The following PCDHGA1 variants were observed in gnomAD, a reference collection of about 807,000 sequenced individuals.
PCDHGA1 encodes protocadherin gamma-A1.
A neutral mutation model predicts 58.0 loss-of-function variants in PCDHGA1; 32 were observed. The ratio of observed to expected loss-of-function variants is 0.55; its 90% CI spans 0.42 to 0.74. The LOEUF (loss-of-function observed/expected upper bound fraction) is 0.74, where lower values mean the gene tolerates loss of function less well. PCDHGA1 is among the 30% of genes least tolerant of loss of function. The probability of loss-of-function intolerance (pLI) is 0.00; values close to 1 mark genes in which losing one functional copy is unlikely to be tolerated. For missense variants in PCDHGA1, 1,205 were observed against 1,182.3 expected (o/e 1.02, Z -0.28); for synonymous variants, 498 against 501.1 (o/e 0.99, Z 0.08).
intron 1 of PCDHGA1, chr5:141,418,830 G>A (rs371820904): frequency 1.2e-6 from 2 of 1,613,976 alleles, no homozygotes; most frequent in Non-Finnish European, 1.7e-6. Flanking sequence ...GCAAAAGACC[G>A]AGGATCTCTC....
chr5:141,381,826 C>CTTCTTTTTTTTTTTTT (rs1777532522), intron 1 of PCDHGA1, among the ~76,000 whole-genome samples: 2 of 74,284 alleles, frequency 2.7e-5, no homozygotes, highest in African/African-American at 6.2e-5. Context: ...CTTTCTTCTT[C>CTTCTTTTTTTTTTTTT]TTTTTTTTTT....
At position 141,460,518 on chromosome 5, in the gene PCDHGA1, C is replaced by T. The variant is rs190277142; in HGVS notation, c.2422-34289C>T. ...AAATATGCTGAGAAGGCTATCTTTT[C>T]CCCACCAAATAATCTTAGCACCTTA... On this transcript the variant is annotated intron_variant, in intron 1 of 3. Coordinates refer to ENST00000517417, the MANE Select transcript of PCDHGA1 (RefSeq NM_018912.3). Among the ~76,000 whole-genome samples, 53 of 152,196 alleles carry T rather than the reference C, an allele frequency of 3.5e-4. 1 individual carries two copies. Among genetic ancestry groups the T allele is most frequent in the African/African-American group, 1.2e-3 (50 of 41,522 alleles).
chr5:141,340,411 C>T lies in PCDHGA1; in HGVS notation c.2421+7306C>T, dbSNP rs778832518. 57 of 1,614,098 alleles carry T rather than the reference C, an allele frequency of 3.5e-5. 1 individual carries two copies. The highest frequency in any genetic ancestry group is 4.2e-6 in the Non-Finnish European group (5 of 1,180,058). ...TCTCAGTGACGGCCCATGACCCCGA[C>T]AGCAACGACAATGCTCATGTAACTT... On this transcript the variant is annotated intron_variant, in intron 1 of 3. Coordinates refer to ENST00000517417, the MANE Select transcript of PCDHGA1 (RefSeq NM_018912.3).
intron 1 of PCDHGA1, chr5:141,422,104 T>C: frequency 6.2e-7 from 1 of 1,607,960 alleles, no homozygotes; most frequent in Non-Finnish European, 8.5e-7. Context: ...TTCTGAAATA[T>C]TCCAATTGGA....
rs914956962 is a variant in PCDHGA1, at chr5:141,420,736, A to G, written c.2422-74071A>G. Among the ~76,000 whole-genome samples, 4 of 152,370 alleles carry G rather than the reference A, an allele frequency of 2.6e-5. No individual in the cohort carries two copies. In the East Asian group the frequency reaches 7.7e-4, roughly 29 times the overall value. On this transcript the variant is annotated intron_variant, in intron 1 of 3. Coordinates refer to ENST00000517417, the MANE Select transcript of PCDHGA1 (RefSeq NM_018912.3). ...TCGTTCCTTTCAGTCGGTTAAAATC[A>G]ATTGGAACCAACTACAACCTACAAG...
At chr5:141,385,452 G>C in intron 1 of PCDHGA1, 2 of 1,446,532 alleles carry the variant, frequency 1.4e-6, no homozygotes, top group Non-Finnish European at 1.8e-6. Context: ...GAGTTTACCA[G>C]TTTCCTTCAG....
At chr5:141,376,920 C>G (rs527270477) in intron 1 of PCDHGA1, 1 of 173,352 alleles carries the variant, frequency 5.8e-6, no homozygotes, top group Non-Finnish European at 1.2e-5. Flanking sequence ...ATCTCCTGAC[C>G]TCATGATCCA....
chr5:141,364,827 C>G (rs1444045845), intron 1 of PCDHGA1: 1 of 1,613,996 alleles, frequency 6.2e-7, no homozygotes, highest in Non-Finnish European at 8.5e-7. Context: ...GGTGTGAACT[C>G]TCTCCGGAGT....
rs1001412632 is a variant in PCDHGA1, at chr5:141,493,097, A to G, written c.2422-1710A>G. On this transcript the variant is annotated intron_variant, in intron 1 of 3. Transcript: ENST00000517417. The surrounding 1 kb of genome is among the most constrained non-coding windows in gnomAD (Gnocchi z 4.3). ...AACTCCAGGAGCTTTTATTCAAAAT[A>G]TATCAATGCCTAACTCTGCTCCTAG... Among the ~76,000 whole-genome samples, 1 of 152,224 alleles carries G rather than the reference A, an allele frequency of 6.6e-6. No homozygotes were observed. The highest frequency in any genetic ancestry group is 2.4e-5 in the African/African-American group (1 of 41,456).
intron 1 of PCDHGA1, chr5:141,355,169 C>T (rs753158485): frequency 2.5e-6 from 4 of 1,568,854 alleles, no homozygotes; most frequent in Non-Finnish European, 3.5e-6. Context: ...GAGGGAAAAC[C>T]GAAGCACAGG....
At chr5:141,383,254 A>G (rs1482301595) in intron 1 of PCDHGA1, 1 of 1,613,948 alleles carries the variant, frequency 6.2e-7, no homozygotes, top group African/African-American at 1.3e-5. Context: ...TCTTTACCCT[A>G]TAGACGTGGA....
At chr5:141,361,817 G>A (rs778870438) in intron 1 of PCDHGA1, 2 of 1,613,072 alleles carry the variant, frequency 1.2e-6, no homozygotes, top group Non-Finnish European at 1.7e-6. Flanking sequence ...AATGCGCCAC[G>A]GGTGCTGTAC....
At chr5:141,345,015 C>A (rs756820605) in intron 1 of PCDHGA1, 2 of 1,613,968 alleles carry the variant, frequency 1.2e-6, no homozygotes, top group Non-Finnish European at 8.5e-7. Context: ...ACCAGGTCTT[C>A]TTTCAAGAGC....
chr5:141,502,179 A>G (rs1403845758), intron 2 of PCDHGA1, among the ~76,000 whole-genome samples: 2 of 152,218 alleles, frequency 1.3e-5, no homozygotes, highest in Non-Finnish European at 2.9e-5. Context: ...GGAATTTAAC[A>G]TTAATACAAT....
At chr5:141,421,159 C>G (rs2096549842) in intron 1 of PCDHGA1, 3 of 1,236,898 alleles carry the variant, frequency 2.4e-6, no homozygotes. Flanking sequence ...CCTAGGACTT[C>G]ATAGATACAT....
At position 141,331,888 on chromosome 5, in the gene PCDHGA1, T is replaced by C; in HGVS notation, c.1204T>C (p.Tyr402His). The C allele has an allele frequency of 6.2e-7, 1 of 1,614,170 alleles. No homozygotes were observed. The highest frequency in any genetic ancestry group is 8.5e-7 in the Non-Finnish European group (1 of 1,180,024). Residue 402 changes from tyrosine to histidine, a missense_variant, in exon 1 of 4, where the codon TAC becomes CAC. Tyr to His is a moderately conservative substitution (Grantham distance 83). Transcript: ENST00000517417. ...ATTGGAAAAGTTAGTTGATAATTAT[T>C]ACCGTTTAGTGACTGAAAGAACACT... ...FKLEKLVDNYYRLVTERTLDR... is the reference protein window; with the variant it reads ...FKLEKLVDNYHRLVTERTLDR...
chr5:141,351,628 C>T lies in PCDHGA1; in HGVS notation c.2421+18523C>T, dbSNP rs1481594120. 4.3e-6 allele frequency: 7 copies of T among 1,613,956 alleles called. No homozygotes were observed. In the Admixed American group the frequency reaches 1.0e-4, roughly 23 times the overall value. ...TCCATCAGGCCTCCTATGTGGTCCA[C>T]GTGTCTGAGAACAACCCACCTGGCG... On this transcript the variant is annotated intron_variant, in intron 1 of 3. Transcript: ENST00000517417.
intron 2 of PCDHGA1, among the ~76,000 whole-genome samples, chr5:141,504,793 C>A (rs1256626821): frequency 9.9e-5 from 15 of 152,166 alleles, no homozygotes; most frequent in Admixed American, 3.9e-4. Context: ...GGGCCTCCTA[C>A]ATCTCCCCCT....
chr5:141,431,460 A>C lies in PCDHGA1; in HGVS notation c.2422-63347A>C, dbSNP rs761879594. On this transcript the variant is annotated intron_variant, in intron 1 of 3. Coordinates refer to ENST00000517417, the MANE Select transcript of PCDHGA1 (RefSeq NM_018912.3). This position sits in a 1 kb window ranked among gnomAD's most constrained non-coding sequence, Gnocchi z 4.8. ...GCGCGCATCCGCGTGATGGTTCTGGATGCGAACGACAACGCACCAGCGTTT... is the reference window on the plus strand; with the variant it reads ...GCGCGCATCCGCGTGATGGTTCTGGCTGCGAACGACAACGCACCAGCGTTT... 8.1e-6 allele frequency: 13 copies of C among 1,613,676 alleles called. No individual in the cohort carries two copies. The highest frequency in any genetic ancestry group is 1.1e-5 in the Non-Finnish European group (13 of 1,179,984).
Sources: allele counts gnomAD v4.1 joint callset (sites outside exome capture counted in the v4.1 genomes callset), GRCh38; gene constraint gnomAD v4.1.1; non-coding constraint Gnocchi (gnomAD v3.1); transcripts MANE v1.5; gene names NCBI Gene and HGNC (gene_info 2026-07-23, HGNC 2026-07-21).